Variants in SCN9A observed in about 807,000 individuals in gnomAD.
SCN9A encodes the protein sodium channel protein type 9 subunit alpha.
In SCN9A, 131 loss-of-function variants were observed where a neutral mutation model predicts 187.0. The ratio of observed to expected loss-of-function variants is 0.70; its 90% confidence interval spans 0.61 to 0.81. The LOEUF (loss-of-function observed/expected upper bound fraction) is 0.81. Ranked by LOEUF, SCN9A falls within the 30% of genes least tolerant of loss-of-function variation. The pLI is 0.00. For missense variants in SCN9A, 2,252 were observed against 2,396.6 expected (o/e 0.94, Z 1.26); for synonymous variants, 809 against 808.6 (o/e 1.00, Z -0.01).
chr2:166,256,991 G>T (rs958912063), intron 17 of SCN9A, among the ~76,000 whole-genome samples: 7 of 151,588 alleles, frequency 4.6e-5, no homozygotes, highest in Non-Finnish European at 1.5e-5. Flanking sequence ...GGCTAGACTG[G>T]CTACAGATTT....
In SCN9A at chr2:166,355,213, C is replaced by A. The variant is rs563351273; in HGVS notation, c.-51+20484G>T. 2.6e-5 allele frequency among the ~76,000 whole-genome samples: 4 copies of A among 152,132 alleles called. No homozygotes were observed. The East Asian group carries it at 7.7e-4, about 29-fold the overall frequency. ...CTGCCTCTTGGCAGCACTGGGATAA[C>A]AGGCATGAGCCACCACACCCAACCT... On this transcript the variant is annotated intron_variant, in intron 1 of 26. Coordinates refer to ENST00000642356, the MANE Select transcript of SCN9A (RefSeq NM_001365536.1).
intron 24 of SCN9A, among the ~76,000 whole-genome samples, chr2:166,211,130 T>A (rs1413402425): frequency 6.6e-6 from 1 of 151,864 alleles, no homozygotes; most frequent in Non-Finnish European, 1.5e-5. Context: ...GAAAGGGAAG[T>A]TTGAAAGCAG....
At chr2:166,274,753 C>T (rs1238645258) in intron 16 of SCN9A, among the ~76,000 whole-genome samples, 3 of 152,070 alleles carry the variant, frequency 2.0e-5, no homozygotes, top group Non-Finnish European at 4.4e-5. Flanking sequence ...AATATATCCC[C>T]TCTGTTTTTT....
At position 166,272,840 on chromosome 2, in the gene SCN9A, T is replaced by G; in HGVS notation, c.2910A>C (p.Ser970=). 1 of 1,509,412 alleles carries G rather than the reference T, an allele frequency of 6.6e-7. No individual in the cohort carries two copies. The allele number at this position is 1,509,412 out of a possible 1,614,324, so 93.5% of individuals were successfully genotyped here. ...LNLFLALLLS[S]FSSDNLTAIE... is the part of the protein sequence containing the mutation. ...TTGCTGTAAGATTGTCTGAACTAAA[T>G]GAGCTCAATAATAAGGCCAGAAATA... Residue 970 remains serine, a synonymous_variant, in exon 17 of 27, where the codon TCA becomes TCC. Transcript: ENST00000642356.
intron 17 of SCN9A, among the ~76,000 whole-genome samples, chr2:166,252,824 A>C (rs1696105885): frequency 6.6e-6 from 1 of 151,900 alleles, no homozygotes. Context: ...CAACTGTAGC[A>C]AAACTCTGTC....
In SCN9A at chr2:166,195,943, G is replaced by T. The variant is rs1313840276; in HGVS notation, c.*2729C>A. ...TGTACCTGTAGTCTTAGCTACTTGGGAGGCTGAGGCAGGAGGGTTGCTTGA... is the reference window on the plus strand; with the variant it reads ...TGTACCTGTAGTCTTAGCTACTTGGTAGGCTGAGGCAGGAGGGTTGCTTGA... On this transcript the variant is annotated 3_prime_UTR_variant, in exon 27 of 27. Coordinates refer to ENST00000642356, the MANE Select transcript of SCN9A (RefSeq NM_001365536.1). 2.0e-5 allele frequency: 3 copies of T among 152,238 alleles called. No homozygotes were observed. The highest frequency in any genetic ancestry group is 4.4e-5 in the Non-Finnish European group (3 of 68,138). 9.4% of individuals were successfully genotyped at this position (152,238 alleles called of 1,614,324 possible). A position where few individuals can be genotyped will look rare whatever the true frequency, so the allele number is the denominator to read the frequency against.
At chr2:166,274,542 T>C (rs1466895604) in intron 16 of SCN9A, among the ~76,000 whole-genome samples, 1 of 152,138 alleles carries the variant, frequency 6.6e-6, no homozygotes, top group East Asian at 1.9e-4. Context: ...AGCATATAAC[T>C]CTAATGTGGA....
At chr2:166,349,801 T>C (rs1052703955) in intron 1 of SCN9A, among the ~76,000 whole-genome samples, 1 of 151,872 alleles carries the variant, frequency 6.6e-6, no homozygotes, top group African/African-American at 2.4e-5. Flanking sequence ...GGAGAAACCC[T>C]GTCTCTACTA....
At chr2:166,319,916 G>A (rs1444227791) in intron 1 of SCN9A, among the ~76,000 whole-genome samples, 1 of 152,004 alleles carries the variant, frequency 6.6e-6, no homozygotes, top group Admixed American at 6.6e-5. Flanking sequence ...ACAAGAAATA[G>A]AGGTTCAGGT....
chr2:166,212,271 A>G (rs1694130540), intron 24 of SCN9A, among the ~76,000 whole-genome samples: 1 of 152,190 alleles, frequency 6.6e-6, no homozygotes, highest in Non-Finnish European at 1.5e-5. Context: ...CATTCCATGA[A>G]TACAGTGTTT....
chr2:166,274,114 A>G (rs1697122473), intron 16 of SCN9A, among the ~76,000 whole-genome samples: 1 of 152,140 alleles, frequency 6.6e-6, no homozygotes. Context: ...GGTCCATTTT[A>G]CTGCTTTAGT....
rs1329853533 is a variant in SCN9A at position 166,282,029 on chromosome 2, T to A, written c.1975-221A>T. 2.0e-5 allele frequency among the ~76,000 whole-genome samples: 3 copies of A among 152,204 alleles called. No homozygotes were observed. The East Asian group carries it at 5.8e-4, about 29-fold the overall frequency. ...AATGGGGATAATCATAGTGCTTGCT[T>A]CATATTCTTGTGAGGATTAAAGGAA... On this transcript the variant is annotated intron_variant, in intron 12 of 26. Transcript: ENST00000642356.
intron 12 of SCN9A, 52 bp from the exon 13 acceptor site, chr2:166,281,860 G>C: frequency 1.3e-6 from 2 of 1,526,048 alleles, no homozygotes; most frequent in South Asian, 1.3e-5. Flanking sequence ...ATAAATTGTA[G>C]GTATAAGATA....
chr2:166,364,968 G>A (rs1700380600), intron 1 of SCN9A, among the ~76,000 whole-genome samples: 1 of 151,972 alleles, frequency 6.6e-6, no homozygotes, highest in South Asian at 2.1e-4. Flanking sequence ...GTGTCTCCTT[G>A]GTATCTGTTT....
chr2:166,290,698 C>T (rs552632793), intron 9 of SCN9A, among the ~76,000 whole-genome samples: 32 of 151,756 alleles, frequency 2.1e-4, no homozygotes, highest in African/African-American at 4.1e-4. Flanking sequence ...GTTTTTTGGC[C>T]GCATAAATGT....
chr2:166,253,140 G>A (rs941016953), intron 17 of SCN9A, among the ~76,000 whole-genome samples: 6 of 151,700 alleles, frequency 4.0e-5, no homozygotes, highest in African/African-American at 1.5e-4. Flanking sequence ...ATTCTTGATG[G>A]GTACCACATT....
rs963115531 is a variant in SCN9A at position 166,330,410 on chromosome 2, C to T, written c.-50-18604G>A. Among the ~76,000 whole-genome samples, 6 of 152,142 alleles carry T rather than the reference C, an allele frequency of 3.9e-5. No individual in the cohort carries two copies. The South Asian group carries it at 8.3e-4, about 21-fold the overall frequency. On this transcript the variant is annotated intron_variant, in intron 1 of 26. Coordinates refer to ENST00000642356, the MANE Select transcript of SCN9A (RefSeq NM_001365536.1). ...TACACATGAATCTCTAATTTACATA[C>T]ATTTTCTCATTGTTTGTTTTTATTT...
intron 24 of SCN9A, among the ~76,000 whole-genome samples, chr2:166,223,435 C>T (rs564773475): frequency 3.9e-5 from 6 of 152,294 alleles, no homozygotes; most frequent in African/African-American, 1.4e-4. Flanking sequence ...CCATATGCAG[C>T]AACTTGAATG....
intron 2 of SCN9A, among the ~76,000 whole-genome samples, chr2:166,308,463 T>C (rs1179065675): frequency 6.6e-6 from 1 of 152,090 alleles, no homozygotes; most frequent in Non-Finnish European, 1.5e-5. Context: ...CCCTCCTCTT[T>C]CTCCCTCTCC....
Sources: gnomAD v4.1 joint callset for allele counts (sites outside exome capture counted in the v4.1 genomes callset) on GRCh38, gnomAD v4.1.1 for gene constraint, MANE v1.5 for transcripts, NCBI Gene and HGNC (gene_info 2026-07-23, HGNC 2026-07-21) for gene names.